The following CPE variants were observed in gnomAD, a reference collection of about 807,000 sequenced individuals.
The protein encoded by CPE is carboxypeptidase E.
CPE carries 17 observed loss-of-function variants against 53.5 expected under a neutral mutation model. The observed-to-expected ratio is 0.32, with a 90% CI of 0.22 to 0.48. CPE has a LOEUF of 0.48. Among genes scored for constraint, CPE ranks in the 20% least tolerant of loss-of-function variants. The probability of loss-of-function intolerance (pLI) is 0.99; values close to 1 mark genes in which losing one functional copy is unlikely to be tolerated. For synonymous variants in CPE, 226 were observed against 228.8 expected (o/e 0.99, Z 0.11); for missense variants, 524 against 614.7 (o/e 0.85, Z 1.56).
chr4:165,437,978 A>G (rs1186383680), intron 1 of CPE, among the ~76,000 whole-genome samples: 3 of 152,176 alleles, frequency 2.0e-5, no homozygotes, highest in Admixed American at 1.3e-4. Context: ...GGAAGAGACT[A>G]GATGTTGGCA....
chr4:165,428,575 C>T (rs777803420), intron 1 of CPE, among the ~76,000 whole-genome samples: 12 of 152,162 alleles, frequency 7.9e-5, no homozygotes, highest in African/African-American at 1.7e-4. Flanking sequence ...TTTAAAACAA[C>T]GGAAATTTAT....
chr4:165,482,112 G>A, intron 3 of CPE, 130 bp from the exon 4 acceptor site: 1 of 451,576 alleles, frequency 2.2e-6, no homozygotes, highest in Non-Finnish European at 3.8e-6. Flanking sequence ...TTTCTGTGAG[G>A]ACAACAGCAA....
intron 1 of CPE, among the ~76,000 whole-genome samples, chr4:165,411,581 C>T (rs1560873744): frequency 2.0e-5 from 3 of 152,156 alleles, no homozygotes; most frequent in Non-Finnish European, 4.4e-5. Context: ...CCAGCTTTGC[C>T]TCCTTTTTGA....
chr4:165,485,819 T>A (rs1732496872), intron 5 of CPE, among the ~76,000 whole-genome samples: 1 of 152,316 alleles, frequency 6.6e-6, no homozygotes, highest in East Asian at 1.9e-4. Flanking sequence ...CTGTATATAG[T>A]GAATAACATT....
intron 1 of CPE, among the ~76,000 whole-genome samples, chr4:165,395,495 C>T (rs1276782361): frequency 6.6e-6 from 1 of 152,124 alleles, no homozygotes. Flanking sequence ...GTTTTATTAG[C>T]AGCCATTTCT....
intron 1 of CPE, among the ~76,000 whole-genome samples, chr4:165,426,884 A>G (rs1037863726): frequency 1.2e-4 from 19 of 152,236 alleles, no homozygotes; most frequent in African/African-American, 4.1e-4. Flanking sequence ...AGTAAGTGAA[A>G]GAAGAAAGCT....
chr4:165,387,604 T>A (rs13111025), intron 1 of CPE, among the ~76,000 whole-genome samples: 3 of 150,696 alleles, frequency 2.0e-5, no homozygotes, highest in East Asian at 2.0e-4. Context: ...AGGTCGGGAG[T>A]TCAAGACCAG....
intron 1 of CPE, among the ~76,000 whole-genome samples, chr4:165,395,760 C>T (rs549975116): frequency 2.0e-4 from 31 of 152,198 alleles, no homozygotes; most frequent in African/African-American, 7.5e-4. Context: ...GTTTCTCAAC[C>T]CTCAGAGAAT....
At chr4:165,461,898 C>T (rs776225676) in intron 1 of CPE, among the ~76,000 whole-genome samples, 1 of 152,196 alleles carries the variant, frequency 6.6e-6, no homozygotes, top group Admixed American at 6.5e-5. Flanking sequence ...TTCCTGAGGA[C>T]AGAAGGAGTT....
intron 1 of CPE, among the ~76,000 whole-genome samples, chr4:165,462,935 GA>G (rs1732034931): frequency 6.6e-6 from 1 of 152,302 alleles, no homozygotes; most frequent in South Asian, 2.1e-4. Context: ...ATTTCCAGGA[GA>G]AAAATAATTC....
intron 6 of CPE, among the ~76,000 whole-genome samples, chr4:165,489,889 C>T (rs1732570966): frequency 6.6e-6 from 1 of 152,160 alleles, no homozygotes; most frequent in African/African-American, 2.4e-5. Context: ...TTTGCTCTGT[C>T]CACAGATCCA....
chr4:165,480,529 GA>G (rs149317219), intron 3 of CPE, among the ~76,000 whole-genome samples: 2,143 of 152,254 alleles, frequency 0.014, 55 homozygotes, highest in African/African-American at 0.048. Context: ...CTGGGCTTGA[GA>G]CCAGCCTCTG....
intron 3 of CPE, among the ~76,000 whole-genome samples, chr4:165,475,570 C>G (rs190303697): frequency 1.3e-3 from 194 of 152,272 alleles, no homozygotes; most frequent in African/African-American, 4.1e-3. Context: ...GCCCCTGAGG[C>G]GGATGGTCTA....
At position 165,379,549 on chromosome 4, in the gene CPE, C is replaced by T. The variant is rs750440101; in HGVS notation, c.307+21C>T. 2.6e-6 allele frequency: 4 copies of T among 1,530,866 alleles called. No individual in the cohort carries two copies. Among genetic ancestry groups the T allele is most frequent in the Non-Finnish European group, 3.5e-6 (4 of 1,130,494 alleles). The allele number at this position is 1,530,866 out of a possible 1,614,324, so 94.8% of individuals were successfully genotyped here. A position where few individuals can be genotyped will look rare whatever the true frequency, so the allele number is the denominator to read the frequency against. On this transcript the variant is annotated intron_variant, in intron 1 of 8. Transcript: ENST00000402744. This position sits in a 1 kb window ranked among gnomAD's most constrained non-coding sequence, Gnocchi z 6.0. ...GCCTGGTAAGGGCGCTGCCCCCTGA[C>T]AGCCCTGGGGGCATCCCGGAGGGGG... is the stretch of plus-strand genomic sequence containing the variant.
intron 1 of CPE, among the ~76,000 whole-genome samples, chr4:165,444,704 A>G (rs969144164): frequency 2.0e-5 from 3 of 151,912 alleles, no homozygotes; most frequent in Non-Finnish European, 4.4e-5. Context: ...CCTGCCCTCA[A>G]TGCGTCTTCC....
rs534841189 is a variant in CPE at position 165,404,803 on chromosome 4, G to A, written c.307+25275G>A. 27 of 771,526 alleles carry A rather than the reference G, an allele frequency of 3.5e-5. No individual in the cohort carries two copies. The South Asian group carries it at 3.6e-4, about 10-fold the overall frequency. 47.8% of individuals were successfully genotyped at this position (771,526 alleles called of 1,614,324 possible). A position where few individuals can be genotyped will look rare whatever the true frequency, so the allele number is the denominator to read the frequency against. The stretch of plus-strand genomic sequence containing the variant: ...CTACAGTTGAAGCACTGGTGTCTTT[G>A]GAAGTCTTCTTGGTTGTGATCATCT... On this transcript the variant is annotated intron_variant, in intron 1 of 8. Transcript: ENST00000402744.
In CPE at chr4:165,456,234, C is replaced by A. The variant is rs115819607; in HGVS notation, c.308-8156C>A. 7.8e-3 allele frequency among the ~76,000 whole-genome samples: 1,191 copies of A among 152,094 alleles called. 10 individuals are homozygous for A. Among genetic ancestry groups the A allele is most frequent in the Middle Eastern group, 0.014 (4 of 294 alleles). ...ATAATAGGTTAAAGTAAATTTTCTTCATTGATTTATTATGGCTAATATTTA... is the reference window on the plus strand; with the variant it reads ...ATAATAGGTTAAAGTAAATTTTCTTAATTGATTTATTATGGCTAATATTTA... On this transcript the variant is annotated intron_variant, in intron 1 of 8. Coordinates refer to ENST00000402744, the MANE Select transcript of CPE (RefSeq NM_001873.4).
chr4:165,432,930 G>A (rs963439055), intron 1 of CPE, among the ~76,000 whole-genome samples: 1 of 152,072 alleles, frequency 6.6e-6, no homozygotes, highest in Non-Finnish European at 1.5e-5. Flanking sequence ...TGCTTTCCAC[G>A]ACCTCCACCG....
At chr4:165,402,987 C>G (rs921778113) in intron 1 of CPE, among the ~76,000 whole-genome samples, 23 of 152,194 alleles carry the variant, frequency 1.5e-4, no homozygotes, top group Admixed American at 3.9e-4. Flanking sequence ...ATGTAAAATG[C>G]CAGACTCTTC....
Sources: gnomAD v4.1 joint callset for allele counts (sites outside exome capture counted in the v4.1 genomes callset) on GRCh38, gnomAD v4.1.1 for gene constraint, Gnocchi (gnomAD v3.1) non-coding constraint, MANE v1.5 for transcripts, NCBI Gene and HGNC (gene_info 2026-07-23, HGNC 2026-07-21) for gene names.